The following RYR1 variants were observed in gnomAD, a reference collection of about 807,000 sequenced individuals.
The protein encoded by RYR1 is ryanodine receptor 1.
RYR1 carries 342 observed loss-of-function variants against 583.5 expected under a neutral mutation model. That is an observed-to-expected ratio of 0.59 (90% CI 0.54 to 0.64). The LOEUF is 0.64. Ranked by LOEUF, RYR1 falls within the 30% of genes least tolerant of loss-of-function variation. The pLI is 0.00. For synonymous variants in RYR1, 2,791 were observed against 2,822.5 expected (o/e 0.99, Z 0.35); for missense variants, 6,032 against 6,917.2 (o/e 0.87, Z 4.54).
chr19:38,547,964 C>T (rs868191338), intron 88 of RYR1, among the ~76,000 whole-genome samples: 7 of 152,164 alleles, frequency 4.6e-5, no homozygotes, highest in Admixed American at 3.3e-4. Context: ...CCACCCACCT[C>T]GGTCTCCCAA....
In RYR1 at chr19:38,499,671, G is replaced by A. The variant is rs144526634; in HGVS notation, c.7064G>A (p.Arg2355Gln). 14 of 1,599,478 alleles carry A rather than the reference G, an allele frequency of 8.8e-6. No individual in the cohort carries two copies. The African/African-American group carries it at 1.2e-4, about 14-fold the overall frequency. ...GAGGAGAACGCCAATGTGGTGGTGC[G>A]GCTGCTCATCCGGAAGCCTGAGTGC... ...SVEENANVVV[R>Q]LLIRKPECFG... is the part of the protein sequence containing the mutation. The change falls in exon 44 of 106, where the codon CGG (arginine) becomes CAG (glutamine). Residue 2355 changes from arginine to glutamine, a missense_variant. Physicochemically the swap from Arg to Gln is conservative, Grantham distance 43. Around this residue, in one of 11 missense-constraint regions of RYR1, gnomAD observed 2,627 missense variants for 2,961.3 expected, o/e 0.89. Transcript: ENST00000359596. The surrounding 1 kb of genome is among the most constrained non-coding windows in gnomAD (Gnocchi z 7.3).
intron 7 of RYR1, among the ~76,000 whole-genome samples, chr19:38,445,131 C>T (rs992156986): frequency 5.0e-5 from 7 of 139,032 alleles, no homozygotes; most frequent in African/African-American, 1.9e-4. Flanking sequence ...TGGCATGTGC[C>T]TGTAATCCCA....
In RYR1 at chr19:38,466,109, G is replaced by T. The variant is rs902956024; in HGVS notation, c.2889G>T (p.Gly963=). ...KLPKTYMMSN[G]YKPAPLDLSH... ...CCCGCAGGTATATGATGAGCAATGG[G>T]TACAAGCCGGCTCCGCTGGACCTGA... Residue 963 remains glycine, a synonymous_variant, in exon 24 of 106, where the codon GGG becomes GGT. Coordinates refer to ENST00000359596, the MANE Select transcript of RYR1 (RefSeq NM_000540.3). The T allele has an allele frequency of 6.2e-7, 1 of 1,611,212 alleles. No homozygotes were observed. The highest frequency in any genetic ancestry group is 1.7e-5 in the Admixed American group (1 of 59,720).
chr19:38,587,435 GC>G lies in RYR1; in HGVS notation c.*18del, dbSNP rs1568615323. On this transcript the variant is annotated 3_prime_UTR_variant, in exon 106 of 106. Coordinates refer to ENST00000359596, the MANE Select transcript of RYR1 (RefSeq NM_000540.3). ...AGCTTAGCTGACACACCCCCAGCTG[GC>G]CCTCCACCCCCACCTCAAGTGCCTT... The G allele has an allele frequency of 6.3e-7, 1 of 1,599,446 alleles. No individual in the cohort carries two copies. Among genetic ancestry groups the G allele is most frequent in the Non-Finnish European group, 8.6e-7 (1 of 1,166,956 alleles).
chr19:38,574,183 C>G (rs1489204814), intron 96 of RYR1, among the ~76,000 whole-genome samples: 1 of 150,280 alleles, frequency 6.7e-6, no homozygotes, highest in Non-Finnish European at 1.5e-5. Context: ...TCACTTAAAC[C>G]TGCGAGGTGG....
chr19:38,460,748 C>T (rs965003997), intron 20 of RYR1, among the ~76,000 whole-genome samples, 157 bp downstream of exon 20: 15 of 152,168 alleles, frequency 9.9e-5, no homozygotes, highest in South Asian at 2.1e-4. Flanking sequence ...GAGGCCGAGG[C>T]GGGTGGATCA....
chr19:38,477,304 G>A (rs1305947373), intron 29 of RYR1, among the ~76,000 whole-genome samples: 1 of 151,976 alleles, frequency 6.6e-6, no homozygotes, highest in Admixed American at 6.6e-5. Context: ...CACCATGCCC[G>A]GCTAATTTTT....
chr19:38,441,077 C>G (rs1334754840), intron 2 of RYR1, among the ~76,000 whole-genome samples: 1 of 151,196 alleles, frequency 6.6e-6, no homozygotes, highest in Non-Finnish European at 1.5e-5. Context: ...TGGAGGGAAT[C>G]CCTGTGTGCA....
rs150513369 is a variant in RYR1 at position 38,568,961 on chromosome 19, G to A, written c.13659+1044G>A. Among the ~76,000 whole-genome samples, 608 of 152,304 alleles carry A rather than the reference G, an allele frequency of 4.0e-3. 3 individuals are homozygous for A. Among genetic ancestry groups the A allele is most frequent in the African/African-American group, 0.014 (572 of 41,576 alleles). On this transcript the variant is annotated intron_variant, in intron 93 of 105. Coordinates refer to ENST00000359596, the MANE Select transcript of RYR1 (RefSeq NM_000540.3). Reference sequence around the variant, plus strand: ...AAGGTAGGAGGATCACTGGAGCCCAGGAGTTTGGGGCAAGCCAGGGCAACA... The same window carrying A: ...AAGGTAGGAGGATCACTGGAGCCCAAGAGTTTGGGGCAAGCCAGGGCAACA...
Position 38,483,363 on chromosome 19 carries a change from T to C in RYR1, c.4781T>C (p.Leu1594Pro). The change falls in exon 33 of 106, where the codon CTG (leucine) becomes CCG (proline). Residue 1594 changes from leucine to proline, a missense_variant. By Grantham distance (98) the Leu-to-Pro change is moderately conservative. Around this residue, in one of 11 missense-constraint regions of RYR1, gnomAD observed 2,627 missense variants for 2,961.3 expected, o/e 0.89. Transcript: ENST00000359596. This position sits in a 1 kb window ranked among gnomAD's most constrained non-coding sequence, Gnocchi z 6.3. ...KNPAPQCPPR[L>P]EMQMLMPVSW... ...CCGGCCCCGCAGTGCCCACCGCGGC[T>C]GGAGATGCAGATGCTGATGCCAGTG... 1 of 1,563,524 alleles carries C rather than the reference T, an allele frequency of 6.4e-7. No homozygotes were observed. The highest frequency in any genetic ancestry group is 8.7e-7 in the Non-Finnish European group (1 of 1,154,280).
chr19:38,560,977 G>T, intron 89 of RYR1, 136 bp from the exon 90 acceptor site: 1 of 765,894 alleles, frequency 1.3e-6, no homozygotes. Context: ...ATGTCTTGAG[G>T]CTGGGTTGAG....
chr19:38,569,298 C>T (rs1973605189), intron 93 of RYR1, among the ~76,000 whole-genome samples: 2 of 152,116 alleles, frequency 1.3e-5, no homozygotes, highest in Non-Finnish European at 2.9e-5. Flanking sequence ...TGAGCCACTG[C>T]ACCTGGCCGA....
Position 38,496,346 on chromosome 19 carries a change from G to T in RYR1, c.6663+17G>T, listed in dbSNP as rs1030250376. On this transcript the variant is annotated intron_variant, in intron 40 of 105. Coordinates refer to ENST00000359596, the MANE Select transcript of RYR1 (RefSeq NM_000540.3). The surrounding 1 kb of genome is among the most constrained non-coding windows in gnomAD (Gnocchi z 4.8). Reference sequence around the variant, plus strand: ...GAGTCCAAGGTGAGGGCCCAGGCAGGTGCTGGGGAGCTCAGGGGAGGCAGC... The same window carrying T: ...GAGTCCAAGGTGAGGGCCCAGGCAGTTGCTGGGGAGCTCAGGGGAGGCAGC... The T allele has an allele frequency of 6.2e-7, 1 of 1,613,884 alleles. No individual in the cohort carries two copies. The highest frequency in any genetic ancestry group is 1.1e-5 in the South Asian group (1 of 91,086).
intron 67 of RYR1, among the ~76,000 whole-genome samples, chr19:38,520,090 T>TA (rs1555789138): frequency 2.7e-4 from 40 of 149,566 alleles, no homozygotes; most frequent in Admixed American, 8.7e-4. Flanking sequence ...TTTTTTTTTT[T>TA]ATTGAGACAG....
At chr19:38,502,748 G>C (rs771112214) in intron 48 of RYR1, 21 bp downstream of exon 48, 6 of 1,510,452 alleles carry the variant, frequency 4.0e-6, no homozygotes, top group African/African-American at 1.4e-5. Flanking sequence ...GCAGGCTTCA[G>C]GGTGGGGCAG....
At chr19:38,520,145 G>A (rs754823600) in intron 67 of RYR1, among the ~76,000 whole-genome samples, 6 of 148,330 alleles carry the variant, frequency 4.0e-5, no homozygotes, top group African/African-American at 1.5e-4. Context: ...GCATGATCAT[G>A]GCTTGCTGCA....
rs538216985 is a variant in RYR1, at chr19:38,462,767, T to A, written c.2578-656T>A. On this transcript the variant is annotated intron_variant, in intron 20 of 105. Transcript: ENST00000359596. ...GCCTCTCTTCTGGGTCTGAGTCTGG[T>A]TCTGGGCTGGATAGGGCTGGGGACT... 2.6e-5 allele frequency among the ~76,000 whole-genome samples: 4 copies of A among 152,326 alleles called. No homozygotes were observed. The South Asian group carries it at 8.3e-4, about 32-fold the overall frequency.
intron 7 of RYR1, among the ~76,000 whole-genome samples, chr19:38,445,010 A>G (rs1972870617): frequency 6.6e-6 from 1 of 151,998 alleles, no homozygotes; most frequent in Admixed American, 6.6e-5. Context: ...TAATCTCAGC[A>G]CTTTGGGAGG....
At chr19:38,511,654 T>G in intron 61 of RYR1, 44 bp downstream of exon 61, 2 of 1,597,526 alleles carry the variant, frequency 1.3e-6, no homozygotes, top group Non-Finnish European at 1.7e-6. Context: ...AATCTTTCTC[T>G]TCCCCACCCT....
Sources: allele counts gnomAD v4.1 joint callset (sites outside exome capture counted in the v4.1 genomes callset), GRCh38; gene constraint gnomAD v4.1.1; regional missense constraint gnomAD v4.1.1; non-coding constraint Gnocchi (gnomAD v3.1); transcripts MANE v1.5; gene names NCBI Gene and HGNC (gene_info 2026-07-23, HGNC 2026-07-21).